The following RALYL variants were observed in gnomAD, a reference collection of about 807,000 sequenced individuals.
The protein encoded by RALYL is RNA-binding Raly-like protein.
A neutral mutation model predicts 35.1 loss-of-function variants in RALYL; 29 were observed. The ratio of observed to expected loss-of-function variants is 0.83; its 90% confidence interval spans 0.61 to 1.13. The LOEUF (loss-of-function observed/expected upper bound fraction) is 1.13, where lower values mean the gene tolerates loss of function less well. RALYL is among the 50% of genes most tolerant of loss of function. The pLI, the probability that RALYL is intolerant of heterozygous loss-of-function variation, is 0.00. For missense variants in RALYL, 359 were observed against 360.4 expected, an observed-to-expected ratio of 1.00 and a Z score of 0.03; for synonymous variants, 120 against 127.6, an observed-to-expected ratio of 0.94 and a Z score of 0.40.
chr8:84,369,046 A>G (rs1175876714), intron 1 of RALYL, among the ~76,000 whole-genome samples: 1 of 152,138 alleles, frequency 6.6e-6, no homozygotes, highest in Non-Finnish European at 1.5e-5. Context: ...TGCATAAGGG[A>G]TTTTGAACCT....
chr8:84,595,209 T>TAA (rs1455173176), intron 2 of RALYL, among the ~76,000 whole-genome samples: 1 of 152,168 alleles, frequency 6.6e-6, no homozygotes, highest in East Asian at 1.9e-4. Flanking sequence ...TTTACCAAAT[T>TAA]ACATCTCCAA....
chr8:84,679,627 T>C, intron 2 of RALYL: 2 of 476,394 alleles, frequency 4.2e-6, no homozygotes, highest in Non-Finnish European at 8.5e-6. Flanking sequence ...TTGGAAGAGC[T>C]CAGTTTGATG....
At chr8:84,725,465 C>T (rs1844773075) in intron 2 of RALYL, among the ~76,000 whole-genome samples, 1 of 151,742 alleles carries the variant, frequency 6.6e-6, no homozygotes, top group African/African-American at 2.4e-5. Context: ...ACTACTGAAA[C>T]AGATTAAGTA....
chr8:84,860,606 C>G (rs1442295094), intron 5 of RALYL, among the ~76,000 whole-genome samples: 1 of 152,212 alleles, frequency 6.6e-6, no homozygotes, highest in Non-Finnish European at 1.5e-5. Context: ...TAACCCTTTT[C>G]AGCCTCATCC....
intron 2 of RALYL, among the ~76,000 whole-genome samples, chr8:84,595,274 C>T (rs1814234192): frequency 6.6e-6 from 1 of 152,078 alleles, no homozygotes; most frequent in South Asian, 2.1e-4. Flanking sequence ...AACACAATTA[C>T]TTGTGTTGCC....
chr8:84,728,952 A>T (rs1845566847), intron 2 of RALYL, among the ~76,000 whole-genome samples: 1 of 152,180 alleles, frequency 6.6e-6, no homozygotes, highest in African/African-American at 2.4e-5. Context: ...TGACTTAGCA[A>T]TGTGGGCTCT....
In RALYL at chr8:84,403,524, G is replaced by GTTTTTTTTTTTTTT. The variant is rs769845435; in HGVS notation, c.-23-125758_-23-125745dup. 4.6e-4 allele frequency among the ~76,000 whole-genome samples: 18 copies of GTTTTTTTTTTTTTT among 39,478 alleles called. 3 individuals carry two copies. Among genetic ancestry groups the GTTTTTTTTTTTTTT allele is most frequent in the Non-Finnish European group, 6.5e-4 (12 of 18,418 alleles). 25.9% of individuals were successfully genotyped at this position (39,478 alleles called of 152,430 possible). On this transcript the variant is annotated intron_variant, in intron 1 of 8. Coordinates refer to ENST00000521268, the MANE Select transcript of RALYL (RefSeq NM_173848.7). ...TTCTGTTCCATTGGTCTATATCTCT[G>GTTTTTTTTTTTTTT]TTTTTTTTTTTTTTTTTTTTTTTTT...
At chr8:84,887,492 C>T in intron 7 of RALYL, 112 bp from the exon 8 acceptor site, 1 of 792,296 alleles carries the variant, frequency 1.3e-6, no homozygotes, top group Non-Finnish European at 1.9e-6. Flanking sequence ...ACCTTCTGTA[C>T]ACCTTTAATA....
At chr8:84,653,683 A>T (rs1829314614) in intron 2 of RALYL, among the ~76,000 whole-genome samples, 1 of 151,776 alleles carries the variant, frequency 6.6e-6, no homozygotes, top group Non-Finnish European at 1.5e-5. Context: ...TCCATAAAAC[A>T]TACCTCCTGA....
chr8:84,563,419 A>G (rs1336869401), intron 2 of RALYL, among the ~76,000 whole-genome samples: 1 of 151,888 alleles, frequency 6.6e-6, no homozygotes, highest in Non-Finnish European at 1.5e-5. Flanking sequence ...GAGGCAGACT[A>G]TTACATTGGC....
intron 2 of RALYL, among the ~76,000 whole-genome samples, chr8:84,732,690 A>G (rs1846463471): frequency 6.8e-6 from 1 of 147,924 alleles, no homozygotes; most frequent in Admixed American, 6.7e-5. Context: ...ATATACACAC[A>G]CACACACATA....
intron 8 of RALYL, among the ~76,000 whole-genome samples, chr8:84,917,950 TCA>T (rs1230154383): frequency 6.6e-6 from 1 of 152,000 alleles, no homozygotes; most frequent in African/African-American, 2.4e-5. Context: ...CCAAATATAT[TCA>T]CATTGTCTAT....
At chr8:84,730,524 G>A (rs1845954985) in intron 2 of RALYL, among the ~76,000 whole-genome samples, 2 of 152,064 alleles carry the variant, frequency 1.3e-5, no homozygotes, top group African/African-American at 4.8e-5. Context: ...AGTGTTGGAA[G>A]TTCTGGCCAG....
Position 84,492,521 on chromosome 8 carries a change from T to G in RALYL, c.-23-36778T>G, listed in dbSNP as rs140723517. Among the ~76,000 whole-genome samples, 29 of 152,264 alleles carry G rather than the reference T, an allele frequency of 1.9e-4. No individual in the cohort carries two copies. The East Asian group carries it at 5.4e-3, about 28-fold the overall frequency. On this transcript the variant is annotated intron_variant, in intron 1 of 8. Transcript: ENST00000521268. The stretch of plus-strand genomic sequence containing the variant: ...GTCTGACCTTACTTTATCTTTTTAG[T>G]GGATCTCCTGCTGCTTTTTTATATG...
intron 1 of RALYL, among the ~76,000 whole-genome samples, chr8:84,260,062 A>T (rs997276908): frequency 9.9e-5 from 15 of 152,182 alleles, no homozygotes; most frequent in Non-Finnish European, 1.9e-4. Context: ...TCTGGCAGCT[A>T]TACAAGAAGG....
At chr8:84,783,544 T>C (rs1349517789) in intron 3 of RALYL, among the ~76,000 whole-genome samples, 1 of 152,190 alleles carries the variant, frequency 6.6e-6, no homozygotes, top group African/African-American at 2.4e-5. Flanking sequence ...ACCATTTATT[T>C]ATGTTAGGTA....
intron 1 of RALYL, among the ~76,000 whole-genome samples, chr8:84,331,151 C>T (rs945847091): frequency 2.0e-5 from 3 of 152,068 alleles, no homozygotes; most frequent in African/African-American, 7.2e-5. Context: ...AAGGTGATAT[C>T]CCAGCTCATC....
chr8:84,390,204 G>A (rs1173767688), intron 1 of RALYL, among the ~76,000 whole-genome samples: 2 of 152,096 alleles, frequency 1.3e-5, no homozygotes, highest in East Asian at 3.9e-4. Context: ...ACTTGATCAT[G>A]GTGGATAAGC....
chr8:84,373,170 T>C (rs987895600), intron 1 of RALYL, among the ~76,000 whole-genome samples: 10 of 151,814 alleles, frequency 6.6e-5, no homozygotes, highest in African/African-American at 2.4e-4. Context: ...TGCAAAAATG[T>C]CCTCCCATTC....
Sources: allele counts gnomAD v4.1 joint callset (sites outside exome capture counted in the v4.1 genomes callset), GRCh38; gene constraint gnomAD v4.1.1; transcripts MANE v1.5; gene names NCBI Gene and HGNC (gene_info 2026-07-23, HGNC 2026-07-21).